NTN1: variants seen among roughly 807,000 people sequenced by gnomAD.
The protein encoded by NTN1 is netrin 1, also known as netrin-1.
Under a neutral mutation model 54.2 loss-of-function variants are expected in NTN1, and 11 were observed. The ratio of observed to expected loss-of-function variants is 0.20; its 90% CI spans 0.13 to 0.34. The LOEUF is 0.34. Among genes scored for constraint, NTN1 ranks in the 10% least tolerant of loss-of-function variants. The pLI is 1.00. For synonymous variants in NTN1, 371 were observed against 382.0 expected, an observed-to-expected ratio of 0.97 and a Z score of 0.33; for missense variants, 740 against 893.1, an observed-to-expected ratio of 0.83 and a Z score of 2.18.
chr17:9,189,011 G>A (rs1212320294), intron 5 of NTN1, among the ~76,000 whole-genome samples: 1 of 152,184 alleles, frequency 6.6e-6, no homozygotes, highest in Non-Finnish European at 1.5e-5. Flanking sequence ...CACACCATCA[G>A]ATTACTGTTA....
intron 3 of NTN1, chr17:9,171,223 CAG>C (rs1216594813): frequency 6.6e-6 from 1 of 152,200 alleles, no homozygotes; most frequent in Non-Finnish European, 1.5e-5. Context: ...CTTGTTAACA[CAG>C]AGAATGTAAG....
chr17:9,188,929 A>G (rs1904374813), intron 5 of NTN1, among the ~76,000 whole-genome samples: 2 of 152,194 alleles, frequency 1.3e-5, no homozygotes, highest in Non-Finnish European at 2.9e-5. Context: ...ACTGGTTTCA[A>G]AGGGTGGTAT....
intron 5 of NTN1, among the ~76,000 whole-genome samples, chr17:9,208,589 G>T (rs1219869850): frequency 6.6e-6 from 1 of 152,180 alleles, no homozygotes; most frequent in Non-Finnish European, 1.5e-5. Context: ...GGCTACACAG[G>T]GAAGTGGCAC....
intron 3 of NTN1, chr17:9,173,483 C>G (rs2092392708): frequency 6.6e-6 from 1 of 152,402 alleles, no homozygotes; most frequent in South Asian, 2.1e-4. Context: ...TTTGGACTGT[C>G]CTCACTGCAC....
In NTN1 at chr17:9,239,717, AAGC is replaced by A. The variant is rs776922060; in HGVS notation, c.1567_1569del (p.Gln523del). ...CACGGTGAACATCATCTCCGTGTAT[AAGC>A]AGGGCACGAGCCGCATCCGCCGCGG... On this transcript the variant is annotated inframe_deletion, in exon 7 of 7. Transcript: ENST00000173229. The surrounding 1 kb of genome is among the most constrained non-coding windows in gnomAD (Gnocchi z 5.2). 3.7e-6 allele frequency: 6 copies of A among 1,613,374 alleles called. No individual in the cohort carries two copies. The African/African-American group carries it at 8.0e-5, about 22-fold the overall frequency.
chr17:9,187,231 C>T (rs1224103188), intron 5 of NTN1, among the ~76,000 whole-genome samples: 3 of 152,042 alleles, frequency 2.0e-5, no homozygotes, highest in East Asian at 3.9e-4. Flanking sequence ...TGAGGACAGG[C>T]GTGGAGAGTC....
chr17:9,104,309 G>A (rs2092159248), intron 2 of NTN1, among the ~76,000 whole-genome samples: 1 of 152,096 alleles, frequency 6.6e-6, no homozygotes, highest in Non-Finnish European at 1.5e-5. Flanking sequence ...CAATGTGAAT[G>A]TACTTAATGC....
At chr17:9,229,059 C>T (rs1050881650) in intron 6 of NTN1, among the ~76,000 whole-genome samples, 7 of 147,006 alleles carry the variant, frequency 4.8e-5, no homozygotes, top group African/African-American at 1.5e-4. Flanking sequence ...TGTGACTATG[C>T]GTGTGTGATT....
chr17:9,014,857 C>T, the NTN1 span, among the ~76,000 whole-genome samples: 1 of 152,184 alleles, frequency 6.6e-6, no homozygotes, highest in Non-Finnish European at 1.5e-5. Flanking sequence ...CCCAGTCAAG[C>T]CCATCTTACC....
At chr17:9,004,463 G>T in the NTN1 span, among the ~76,000 whole-genome samples, 2 of 152,252 alleles carry the variant, frequency 1.3e-5, no homozygotes, top group South Asian at 4.1e-4. Context: ...TGCTGAGCGG[G>T]TGACGGAGGC....
chr17:9,084,697 G>A (rs963693436), intron 2 of NTN1, among the ~76,000 whole-genome samples: 3 of 139,626 alleles, frequency 2.1e-5, no homozygotes, highest in South Asian at 2.5e-4. Context: ...TGTTGCCCAG[G>A]CTGGAGTGCA....
chr17:9,089,527 C>T (rs1050924770), intron 2 of NTN1, among the ~76,000 whole-genome samples: 3 of 152,158 alleles, frequency 2.0e-5, no homozygotes, highest in Non-Finnish European at 4.4e-5. Context: ...TTGTTGATAA[C>T]GCACAAGTTT....
chr17:9,145,916 CAAAAAAAAAAA>C lies in NTN1; in HGVS notation c.1019-16884_1019-16874del, dbSNP rs60504172. On this transcript the variant is annotated intron_variant, in intron 2 of 6. Transcript: ENST00000173229. Reference sequence around the variant, plus strand: ...TGGGCGACAGAGCAAGACTCCATCTCAAAAAAAAAAAAAAAAAAAAAAAGTGTGGGGTATTT... The same window carrying C: ...TGGGCGACAGAGCAAGACTCCATCTCAAAAAAAAAAAAGTGTGGGGTATTT... Among the ~76,000 whole-genome samples, 4 of 89,018 alleles carry C rather than the reference CAAAAAAAAAAA, an allele frequency of 4.5e-5. No homozygotes were observed. In the South Asian group the frequency reaches 1.5e-3, roughly 34 times the overall value. 58.4% of individuals were successfully genotyped at this position (89,018 alleles called of 152,430 possible). A position where few individuals can be genotyped will look rare whatever the true frequency, so the allele number is the denominator to read the frequency against.
Position 9,179,887 on chromosome 17 carries a change from A to G in NTN1, c.1288A>G (p.Thr430Ala). The G allele has an allele frequency of 6.2e-7, 1 of 1,614,106 alleles. No homozygotes were observed. The change falls in exon 4 of 7, where the codon ACG (threonine) becomes GCG (alanine). Residue 430 changes from threonine to alanine, a missense_variant. Coordinates refer to ENST00000173229, the MANE Select transcript of NTN1 (RefSeq NM_004822.3). Reference sequence around the variant, plus strand: ...CCAGTGTCCCTGCAAGGACGGCGTGACGGGTATCACCTGCAACCGCTGCGC... The same window carrying G: ...CCAGTGTCCCTGCAAGGACGGCGTGGCGGGTATCACCTGCAACCGCTGCGC... Reference protein sequence around the residue: ...TGQCPCKDGVTGITCNRCAKG... With the variant: ...TGQCPCKDGVAGITCNRCAKG...
rs537127871 is a variant in NTN1, at chr17:9,030,319, G to A, written c.1018+6928G>A. On this transcript the variant is annotated intron_variant, in intron 2 of 6. Coordinates refer to ENST00000173229, the MANE Select transcript of NTN1 (RefSeq NM_004822.3). The stretch of plus-strand genomic sequence containing the variant: ...GCCAAGGAATGGAAAGCTGTGCTCC[G>A]CTCTTGCCTGTGTCAGGACCACCCC... Among the ~76,000 whole-genome samples, 22 of 152,324 alleles carry A rather than the reference G, an allele frequency of 1.4e-4. No individual in the cohort carries two copies. The South Asian group carries it at 4.4e-3, about 30-fold the overall frequency.
intron 4 of NTN1, 65 bp downstream of exon 4, chr17:9,180,021 T>C: frequency 6.5e-7 from 1 of 1,534,296 alleles, no homozygotes; most frequent in Non-Finnish European, 8.8e-7. Flanking sequence ...CTTTTGAGGA[T>C]GCTAGTCACT....
chr17:9,164,498 G>A (rs9892698), intron 3 of NTN1, among the ~76,000 whole-genome samples: 32,541 of 151,814 alleles, frequency 0.21, 3,721 homozygotes, highest in East Asian at 0.34. Context: ...TCTTATTCCA[G>A]AGATATTAAG....
intron 2 of NTN1, among the ~76,000 whole-genome samples, chr17:9,060,294 G>A (rs1464167461): frequency 6.6e-6 from 1 of 151,810 alleles, no homozygotes; most frequent in African/African-American, 2.4e-5. Flanking sequence ...CTTCCTTATG[G>A]TTTTCTTCAT....
chr17:9,029,826 T>C (rs1183445855), intron 2 of NTN1, among the ~76,000 whole-genome samples: 2 of 152,074 alleles, frequency 1.3e-5, no homozygotes, highest in Non-Finnish European at 2.9e-5. Context: ...ACCCCGTGTC[T>C]ACTAAAAATA....
Sources: allele counts gnomAD v4.1 joint callset (sites outside exome capture counted in the v4.1 genomes callset), GRCh38; gene constraint gnomAD v4.1.1; non-coding constraint Gnocchi (gnomAD v3.1); transcripts MANE v1.5; gene names NCBI Gene and HGNC (gene_info 2026-07-23, HGNC 2026-07-21).